MTBP: variants seen among roughly 807,000 people sequenced by gnomAD.
The protein encoded by MTBP is mdm2-binding protein.
MTBP carries 101 observed loss-of-function variants against 117.0 expected under a neutral mutation model. The observed-to-expected ratio is 0.86, with a 90% confidence interval of 0.73 to 1.02. MTBP has a LOEUF of 1.02. Among genes scored for constraint, MTBP ranks in the 50% least tolerant of loss-of-function variants. MTBP has a pLI of 0.00. For synonymous variants in MTBP, 350 were observed against 351.5 expected (o/e 1.00, Z 0.05); for missense variants, 970 against 1,030.9 (o/e 0.94, Z 0.81).
intron 11 of MTBP, among the ~76,000 whole-genome samples, chr8:120,480,973 C>G (rs1192756744): frequency 2.0e-5 from 3 of 152,084 alleles, no homozygotes; most frequent in Non-Finnish European, 4.4e-5. Context: ...TTGAAAAATT[C>G]TCCCAATTTT....
chr8:120,467,578 C>T (rs1586946172), intron 10 of MTBP, among the ~76,000 whole-genome samples: 2 of 152,316 alleles, frequency 1.3e-5, no homozygotes, highest in East Asian at 3.9e-4. Flanking sequence ...TGCACTCCAG[C>T]ATGGGCAACA....
intron 4 of MTBP, among the ~76,000 whole-genome samples, chr8:120,453,580 T>A (rs957771139): frequency 1.3e-5 from 2 of 152,148 alleles, no homozygotes; most frequent in Non-Finnish European, 2.9e-5. Context: ...TTGATTGTTT[T>A]TGGGGTGTGG....
intron 20 of MTBP, among the ~76,000 whole-genome samples, chr8:120,519,637 C>T (rs1044829014): frequency 2.0e-5 from 3 of 151,924 alleles, no homozygotes; most frequent in Non-Finnish European, 4.4e-5. Context: ...ACATATTGAA[C>T]AATAACAAAA....
chr8:120,489,524 TC>T (rs1298584826), intron 12 of MTBP, among the ~76,000 whole-genome samples: 1 of 152,158 alleles, frequency 6.6e-6, no homozygotes, highest in Non-Finnish European at 1.5e-5. Context: ...ATAGGGAAGA[TC>T]ATCACTATGC....
intron 10 of MTBP, 79 bp downstream of exon 10, chr8:120,463,840 T>C: frequency 6.1e-6 from 8 of 1,319,494 alleles, no homozygotes; most frequent in Non-Finnish European, 8.5e-6. Flanking sequence ...AAAGGGAATG[T>C]AACTTATTAA....
chr8:120,454,705 A>G (rs1253318674), intron 5 of MTBP, among the ~76,000 whole-genome samples: 1 of 152,088 alleles, frequency 6.6e-6, no homozygotes, highest in African/African-American at 2.4e-5. Flanking sequence ...CACATAGAAA[A>G]ATAACTGAAT....
intron 9 of MTBP, among the ~76,000 whole-genome samples, chr8:120,462,367 A>G (rs1563787589): frequency 6.6e-6 from 1 of 152,182 alleles, no homozygotes; most frequent in Non-Finnish European, 1.5e-5. Context: ...CATGCGGAGA[A>G]AGTGAGAAGG....
At chr8:120,455,380 G>A in intron 5 of MTBP, 55 bp from the exon 6 acceptor site, 1 of 1,123,572 alleles carries the variant, frequency 8.9e-7, no homozygotes, top group Non-Finnish European at 1.3e-6. Flanking sequence ...ACTATTTTGA[G>A]ACATTTCAGA....
chr8:120,445,450 TG>T lies in MTBP; in HGVS notation c.-15del. The T allele has an allele frequency of 2.5e-6, 4 of 1,600,388 alleles. No homozygotes were observed. The highest frequency in any genetic ancestry group is 8.6e-7 in the Non-Finnish European group (1 of 1,169,508). On this transcript the variant is annotated 5_prime_UTR_variant, in exon 1 of 22. An upstream open reading frame in the 5' UTR loses its in-frame stop. Coordinates refer to ENST00000305949, the MANE Select transcript of MTBP (RefSeq NM_022045.5). ...GGATGTGGAAGCCGAGACCTAAAGT[TG>T]GGGGGTGATCTCTGAGGAGATGGAT...
rs565606127 is a variant in MTBP, at chr8:120,468,697, G to T, written c.1048-2123G>T. Among the ~76,000 whole-genome samples the T allele has an allele frequency of 2.2e-4, 34 of 152,186 alleles. No homozygotes were observed. In the Middle Eastern group the frequency reaches 0.017, roughly 76 times the overall value. On this transcript the variant is annotated intron_variant, in intron 10 of 21. Transcript: ENST00000305949. ...TTCTGTTGACCAATGCCGGCTACAG[G>T]TGTTGCAGTTTTTGGTGCATCTCAT...
intron 10 of MTBP, among the ~76,000 whole-genome samples, chr8:120,465,975 A>G (rs1813680016): frequency 6.6e-6 from 1 of 152,024 alleles, no homozygotes; most frequent in Non-Finnish European, 1.5e-5. Context: ...ATATATTTTC[A>G]GTTGTTTTGT....
intron 9 of MTBP, among the ~76,000 whole-genome samples, chr8:120,462,292 A>T (rs1056002326): frequency 8.5e-5 from 13 of 152,228 alleles, no homozygotes; most frequent in South Asian, 8.3e-4. Context: ...TGGAATGGAG[A>T]GCCAGGAAAA....
At chr8:120,466,667 G>A (rs963189580) in intron 10 of MTBP, among the ~76,000 whole-genome samples, 24 of 151,712 alleles carry the variant, frequency 1.6e-4, no homozygotes, top group Non-Finnish European at 2.8e-4. Context: ...GAGGTCAAGA[G>A]TTTGAGACCA....
At chr8:120,471,094 A>T in intron 11 of MTBP, 157 bp downstream of exon 11, 1 of 553,018 alleles carries the variant, frequency 1.8e-6, no homozygotes, top group Non-Finnish European at 3.2e-6. Flanking sequence ...TTTTAATTGC[A>T]ACCTACTGTA....
chr8:120,487,054 C>G (rs544431510), intron 11 of MTBP, among the ~76,000 whole-genome samples: 1 of 152,280 alleles, frequency 6.6e-6, no homozygotes, highest in East Asian at 1.9e-4. Context: ...GGTAAGCATT[C>G]ACTTTGATTC....
At chr8:120,522,968 T>C (rs1310275914) in intron 21 of MTBP, among the ~76,000 whole-genome samples, 1 of 152,154 alleles carries the variant, frequency 6.6e-6, no homozygotes, top group Non-Finnish European at 1.5e-5. Flanking sequence ...ATAAATTAGC[T>C]GGAAAAACCA....
rs1274703734 is a variant in MTBP at position 120,490,704 on chromosome 8, G to A, written c.1447+134G>A. On this transcript the variant is annotated intron_variant, in intron 13 of 21. Coordinates refer to ENST00000305949, the MANE Select transcript of MTBP (RefSeq NM_022045.5). ...GCTACTTAATTATAGAACTATTTTTGAAAGCAATGATGTAGAGTAGAAGAG... is the reference window on the plus strand; with the variant it reads ...GCTACTTAATTATAGAACTATTTTTAAAAGCAATGATGTAGAGTAGAAGAG... 8.7e-6 allele frequency: 5 copies of A among 574,546 alleles called. No individual in the cohort carries two copies. In the Admixed American group the frequency reaches 1.1e-4, roughly 13 times the overall value. 35.6% of individuals were successfully genotyped at this position (574,546 alleles called of 1,614,324 possible). A position where few individuals can be genotyped will look rare whatever the true frequency, so the allele number is the denominator to read the frequency against.
At chr8:120,493,402 G>A (rs1814387415) in intron 13 of MTBP, among the ~76,000 whole-genome samples, 1 of 151,962 alleles carries the variant, frequency 6.6e-6, no homozygotes, top group African/African-American at 2.4e-5. Context: ...TCTTCAAATT[G>A]TAATATAATT....
At chr8:120,511,114 C>T (rs182259681) in intron 17 of MTBP, among the ~76,000 whole-genome samples, 1 of 152,170 alleles carries the variant, frequency 6.6e-6, no homozygotes, top group Admixed American at 6.5e-5. Flanking sequence ...TAAGATATGC[C>T]ACCCGATCCA....
Sources: gnomAD v4.1 joint callset for allele counts (sites outside exome capture counted in the v4.1 genomes callset) on GRCh38, gnomAD v4.1.1 for gene constraint, MANE v1.5 for transcripts, NCBI Gene and HGNC (gene_info 2026-07-23, HGNC 2026-07-21) for gene names.